The following RARB variants were observed in gnomAD, a reference collection of about 807,000 sequenced individuals.
RARB encodes the protein HBV-activated protein.
Under a neutral mutation model 51.9 loss-of-function variants are expected in RARB, and 17 were observed. The observed-to-expected ratio is 0.33, with a 90% CI of 0.22 to 0.49. The LOEUF (loss-of-function observed/expected upper bound fraction) is 0.49, where lower values mean the gene tolerates loss of function less well. RARB is among the 20% of genes least tolerant of loss of function. RARB has a pLI of 0.99. For synonymous variants in RARB, 215 were observed against 195.4 expected, an observed-to-expected ratio of 1.10 and a Z score of -0.84; for missense variants, 369 against 550.8, an observed-to-expected ratio of 0.67 and a Z score of 3.30.
upstream of RARB, among the ~76,000 whole-genome samples, chr3:25,425,677 C>G (rs1166978150): frequency 6.6e-6 from 1 of 152,122 alleles, no homozygotes; most frequent in East Asian, 1.9e-4. Context: ...CCAACCTTTA[C>G]CACACACAGA....
chr3:25,064,966 A>G (rs927705947), intron 3 of RARB, among the ~76,000 whole-genome samples: 6 of 152,196 alleles, frequency 3.9e-5, no homozygotes, highest in South Asian at 2.1e-4. Flanking sequence ...AGCCACACAC[A>G]TGGAGAATGA....
intron 5 of RARB, among the ~76,000 whole-genome samples, chr3:25,235,351 A>G (rs772066984): frequency 3.9e-5 from 6 of 152,274 alleles, no homozygotes; most frequent in Middle Eastern, 3.4e-3. Context: ...AATTTTGCTC[A>G]GAAGAACAGA....
In RARB at chr3:25,158,542, AC is replaced by A. The variant is rs554008771; in HGVS notation, c.-279-15576del. On this transcript the variant is annotated intron_variant, in intron 4 of 11. Transcript: ENST00000383772. ...TATTGGTTTTAGGGGGGAGGTGGTA[AC>A]TCTTCTTCCTTAAGATATATTTGCT... Among the ~76,000 whole-genome samples, 392 of 152,202 alleles carry A rather than the reference AC, an allele frequency of 2.6e-3. 3 individuals carry two copies. Among genetic ancestry groups the A allele is most frequent in the African/African-American group, 9.2e-3 (382 of 41,536 alleles).
chr3:25,274,042 A>T (rs905998015), intron 5 of RARB, among the ~76,000 whole-genome samples: 31 of 152,172 alleles, frequency 2.0e-4, no homozygotes, highest in Non-Finnish European at 3.5e-4. Context: ...ATGGCCTGGA[A>T]GTCCTTCTAG....
At chr3:25,046,441 G>T (rs951705034) in intron 2 of RARB, among the ~76,000 whole-genome samples, 1 of 152,006 alleles carries the variant, frequency 6.6e-6, no homozygotes, top group African/African-American at 2.4e-5. Context: ...TTCTATTGGG[G>T]TATAAAAAAT....
chr3:25,252,876 C>T (rs1429319793), intron 5 of RARB, among the ~76,000 whole-genome samples: 1 of 152,146 alleles, frequency 6.6e-6, no homozygotes, highest in Non-Finnish European at 1.5e-5. Flanking sequence ...CTTCTTTTAT[C>T]TGGCACCGTG....
chr3:25,047,556 G>A (rs1698242206), intron 2 of RARB, among the ~76,000 whole-genome samples: 1 of 152,218 alleles, frequency 6.6e-6, no homozygotes, highest in African/African-American at 2.4e-5. Context: ...AGTAACTAGA[G>A]GCCATTGTGT....
At chr3:25,387,565 G>T (rs1215297567) in intron 5 of RARB, among the ~76,000 whole-genome samples, 1 of 152,048 alleles carries the variant, frequency 6.6e-6, no homozygotes, top group Non-Finnish European at 1.5e-5. Flanking sequence ...CTCTAGTGTA[G>T]GCAGAATAAG....
At chr3:25,405,360 C>T (rs1707377932) in intron 5 of RARB, among the ~76,000 whole-genome samples, 1 of 152,114 alleles carries the variant, frequency 6.6e-6, no homozygotes, top group Non-Finnish European at 1.5e-5. Flanking sequence ...CTCTATTTAA[C>T]AAACAAACAA....
intron 3 of RARB, among the ~76,000 whole-genome samples, chr3:25,514,188 C>G (rs536305795): frequency 6.6e-6 from 1 of 152,274 alleles, no homozygotes; most frequent in African/African-American, 2.4e-5. Context: ...CTCAGTAAAT[C>G]CTTGCATAGA....
intron 5 of RARB, among the ~76,000 whole-genome samples, chr3:25,390,043 ATC>A (rs1181392545): frequency 6.6e-6 from 1 of 152,186 alleles, no homozygotes; most frequent in Non-Finnish European, 1.5e-5. Context: ...GAGGTTATTT[ATC>A]TTATCGAGTG....
intron 5 of RARB, among the ~76,000 whole-genome samples, chr3:25,224,919 C>A (rs1702022759): frequency 6.6e-6 from 1 of 152,104 alleles, no homozygotes; most frequent in African/African-American, 2.4e-5. Flanking sequence ...TTATTATATA[C>A]TGTACCTAAG....
At chr3:25,077,206 A>G (rs1011013507) in intron 3 of RARB, among the ~76,000 whole-genome samples, 2 of 152,180 alleles carry the variant, frequency 1.3e-5, no homozygotes, top group African/African-American at 2.4e-5. Flanking sequence ...TTGGAGCATT[A>G]TTTTTTAAAT....
chr3:25,386,946 C>T (rs1706813516), intron 5 of RARB, among the ~76,000 whole-genome samples: 1 of 152,202 alleles, frequency 6.6e-6, no homozygotes, highest in Admixed American at 6.5e-5. Flanking sequence ...AATTTTTCCC[C>T]TGCAAATGTG....
chr3:25,442,017 C>G (rs545670903), intron 1 of RARB, among the ~76,000 whole-genome samples: 1 of 152,278 alleles, frequency 6.6e-6, no homozygotes, highest in South Asian at 2.1e-4. Context: ...ATCTATAATT[C>G]TACATTGTCT....
rs78266520 is a variant in RARB at position 25,588,941 on chromosome 3, T to C, written c.787-4562T>C. Among the ~76,000 whole-genome samples the C allele has an allele frequency of 8.5e-3, 1,296 of 152,294 alleles. 11 individuals are homozygous for C. Among genetic ancestry groups the C allele is most frequent in the African/African-American group, 0.03 (1,231 of 41,558 alleles). ...ACACCATCACTTTCACCATATTCTA[T>C]TTGTTAAAAGCAAATCATTAAGTCC... On this transcript the variant is annotated intron_variant, in intron 5 of 7. Coordinates refer to ENST00000330688, the MANE Select transcript of RARB (RefSeq NM_000965.5).
chr3:25,478,439 C>G (rs190304482), intron 2 of RARB, among the ~76,000 whole-genome samples: 2 of 152,204 alleles, frequency 1.3e-5, no homozygotes, highest in Non-Finnish European at 2.9e-5. Flanking sequence ...ATATGCATCT[C>G]TGTGCCCTCG....
At chr3:25,342,695 C>G (rs909452001) in intron 5 of RARB, among the ~76,000 whole-genome samples, 1 of 152,226 alleles carries the variant, frequency 6.6e-6, no homozygotes, top group African/African-American at 2.4e-5. Context: ...TTTCTCTTAC[C>G]TGCAGCTGAA....
At chr3:25,473,025 T>G (rs547140160) in intron 2 of RARB, among the ~76,000 whole-genome samples, 3 of 152,196 alleles carry the variant, frequency 2.0e-5, no homozygotes, top group South Asian at 2.1e-4. Context: ...TCTTGTTGTA[T>G]CAAATATGTG....
Sources: allele counts gnomAD v4.1 joint callset (sites outside exome capture counted in the v4.1 genomes callset), GRCh38; gene constraint gnomAD v4.1.1; transcripts MANE v1.5; gene names NCBI Gene and HGNC (gene_info 2026-07-23, HGNC 2026-07-21).